The following FOXP2 variants were observed in gnomAD, a reference collection of about 807,000 sequenced individuals.
The protein encoded by FOXP2 is forkhead box protein P2.
A neutral mutation model predicts 115.8 loss-of-function variants in FOXP2; 12 were observed. The ratio of observed to expected loss-of-function variants is 0.10; its 90% CI spans 0.07 to 0.17. The LOEUF (loss-of-function observed/expected upper bound fraction) is 0.17. FOXP2 is among the 10% of genes least tolerant of loss of function. The probability of loss-of-function intolerance (pLI) is 1.00; values close to 1 mark genes in which losing one functional copy is unlikely to be tolerated. For missense variants in FOXP2, 629 were observed against 843.5 expected, an observed-to-expected ratio of 0.75 and a Z score of 3.15; for synonymous variants, 328 against 297.7, an observed-to-expected ratio of 1.10 and a Z score of -1.05.
At chr7:114,413,610 G>T (rs1007376718), upstream of FOXP2, among the ~76,000 whole-genome samples, 1 of 152,242 alleles carries the variant, frequency 6.6e-6, no homozygotes, top group East Asian at 1.9e-4. Context: ...CCTTTCAGGG[G>T]AGGTGGAGAA....
At chr7:114,652,416 C>G in intron 9 of FOXP2, 126 bp downstream of exon 9, 3 of 792,888 alleles carry the variant, frequency 3.8e-6, no homozygotes, top group Non-Finnish European at 6.5e-6. Flanking sequence ...AATGGAGATA[C>G]ATGATATTTT....
chr7:114,501,917 A>G (rs890057046), intron 2 of FOXP2, among the ~76,000 whole-genome samples: 1 of 152,196 alleles, frequency 6.6e-6, no homozygotes, highest in African/African-American at 2.4e-5. Context: ...ATGTAGATAA[A>G]TGTTTAATAT....
At chr7:114,583,900 T>C (rs1222883823) in intron 3 of FOXP2, among the ~76,000 whole-genome samples, 1 of 152,196 alleles carries the variant, frequency 6.6e-6, no homozygotes, top group Non-Finnish European at 1.5e-5. Flanking sequence ...CTAAATTAAT[T>C]TTTTTTCTCT....
intron 2 of FOXP2, among the ~76,000 whole-genome samples, chr7:114,458,566 G>A (rs1000899839): frequency 4.5e-5 from 1 of 22,464 alleles, no homozygotes; most frequent in African/African-American, 1.8e-4. Flanking sequence ...TTTTTTTTTT[G>A]AGACAGGATC....
At chr7:114,212,612 G>A (rs1310200368) in intron 1 of FOXP2, among the ~76,000 whole-genome samples, 1 of 151,348 alleles carries the variant, frequency 6.6e-6, no homozygotes, top group Non-Finnish European at 1.5e-5. Flanking sequence ...AGTGTGTTCC[G>A]ATATATTTTG....
chr7:114,679,239 A>G (rs903734678), intron 16 of FOXP2, among the ~76,000 whole-genome samples: 5 of 152,236 alleles, frequency 3.3e-5, no homozygotes, highest in Admixed American at 6.5e-5. Context: ...TGCTGGGATT[A>G]CAGGCGTGAA....
intron 3 of FOXP2, among the ~76,000 whole-genome samples, chr7:114,620,933 A>G (rs1804217086): frequency 6.6e-6 from 1 of 152,030 alleles, no homozygotes; most frequent in African/African-American, 2.4e-5. Context: ...ACTACATTAA[A>G]CAAATAGCTA....
intron 2 of FOXP2, among the ~76,000 whole-genome samples, chr7:114,436,880 A>T (rs920374610): frequency 2.6e-5 from 4 of 152,204 alleles, no homozygotes; most frequent in African/African-American, 9.6e-5. Context: ...ACTCTGGCTT[A>T]TAATAAACAT....
intron 3 of FOXP2, among the ~76,000 whole-genome samples, chr7:114,622,920 A>C (rs572693385): frequency 6.6e-6 from 1 of 151,990 alleles, no homozygotes; most frequent in Non-Finnish European, 1.5e-5. Context: ...GAATGGATCT[A>C]GCTCACTAGC....
In FOXP2 at chr7:114,481,802, ATC is replaced by A. The variant is rs1441456256; in HGVS notation, c.169-52813_169-52812del. On this transcript the variant is annotated intron_variant, in intron 2 of 16. Transcript: ENST00000350908. The stretch of plus-strand genomic sequence containing the variant: ...TATCTATCTATCTATCTATCTATCT[ATC>A]TATCTATATATCTATCTATCTAATC... Among the ~76,000 whole-genome samples, 11 of 149,362 alleles carry A rather than the reference ATC, an allele frequency of 7.4e-5. No homozygotes were observed. The East Asian group carries it at 1.4e-3, about 18-fold the overall frequency.
chr7:114,189,696 C>T (rs1049098346), intron 1 of FOXP2, among the ~76,000 whole-genome samples: 6 of 152,096 alleles, frequency 3.9e-5, no homozygotes, highest in African/African-American at 7.2e-5. Flanking sequence ...ATTTGGGAGA[C>T]GTCACTGGGT....
At chr7:114,135,366 A>T (rs1792012275) in intron 1 of FOXP2, among the ~76,000 whole-genome samples, 1 of 152,142 alleles carries the variant, frequency 6.6e-6, no homozygotes, top group East Asian at 1.9e-4. Flanking sequence ...GGCAAAGAAA[A>T]TCTGAGTGGA....
At chr7:114,172,587 T>C (rs1793176816) in intron 1 of FOXP2, among the ~76,000 whole-genome samples, 2 of 152,062 alleles carry the variant, frequency 1.3e-5, no homozygotes, top group African/African-American at 4.8e-5. Context: ...GAAACTGGGT[T>C]TGTGTTGGGG....
chr7:114,564,400 G>T (rs1230767160), intron 3 of FOXP2, among the ~76,000 whole-genome samples: 1 of 152,054 alleles, frequency 6.6e-6, no homozygotes, highest in African/African-American at 2.4e-5. Context: ...AGGATCCATG[G>T]ATAGAATTCA....
intron 1 of FOXP2, among the ~76,000 whole-genome samples, chr7:114,252,953 C>A (rs1478456951): frequency 6.6e-6 from 1 of 152,164 alleles, no homozygotes; most frequent in Non-Finnish European, 1.5e-5. Flanking sequence ...TCCCTCTACA[C>A]ACTGCTTTAA....
chr7:114,236,848 A>G (rs1337965255), intron 1 of FOXP2, among the ~76,000 whole-genome samples: 1 of 152,028 alleles, frequency 6.6e-6, no homozygotes, highest in Non-Finnish European at 1.5e-5. Flanking sequence ...GTGGTGGTGG[A>G]CACCTGTAAT....
At chr7:114,511,250 A>C (rs1798057139) in intron 2 of FOXP2, among the ~76,000 whole-genome samples, 1 of 152,180 alleles carries the variant, frequency 6.6e-6, no homozygotes, top group Admixed American at 6.5e-5. Flanking sequence ...GAAATACCTA[A>C]TGTAGATGAC....
chr7:114,475,054 C>A (rs546265629), intron 2 of FOXP2, among the ~76,000 whole-genome samples: 1 of 151,954 alleles, frequency 6.6e-6, no homozygotes, highest in Non-Finnish European at 1.5e-5. Flanking sequence ...CTCATACAGA[C>A]CATAATAAAG....
chr7:114,638,578 C>G (rs1283328573), intron 6 of FOXP2, among the ~76,000 whole-genome samples: 1 of 152,150 alleles, frequency 6.6e-6, no homozygotes, highest in Non-Finnish European at 1.5e-5. Flanking sequence ...AAGAGCTGAG[C>G]AATTTTTAGG....
Sources: allele counts gnomAD v4.1 joint callset (sites outside exome capture counted in the v4.1 genomes callset), GRCh38; gene constraint gnomAD v4.1.1; transcripts MANE v1.5; gene names NCBI Gene and HGNC (gene_info 2026-07-23, HGNC 2026-07-21).